The following ANO1 variants were observed in gnomAD, a reference collection of about 807,000 sequenced individuals.
The protein encoded by ANO1 is anoctamin 1.
In ANO1, 59 loss-of-function variants were observed where a neutral mutation model predicts 124.0. The ratio of observed to expected loss-of-function variants is 0.48; its 90% CI spans 0.39 to 0.59. ANO1 has a LOEUF of 0.59. Among genes scored for constraint, ANO1 ranks in the 20% least tolerant of loss-of-function variants. The probability of loss-of-function intolerance (pLI) is 0.00; values close to 1 mark genes in which losing one functional copy is unlikely to be tolerated. For missense variants in ANO1, 1,059 were observed against 1,328.0 expected (o/e 0.80, Z 3.15); for synonymous variants, 529 against 532.0 (o/e 0.99, Z 0.08).
At chr11:70,183,836 C>T (rs1038191464) in intron 24 of ANO1, among the ~76,000 whole-genome samples, 1 of 152,318 alleles carries the variant, frequency 6.6e-6, no homozygotes, top group African/African-American at 2.4e-5. Flanking sequence ...TTGTGCACCG[C>T]CCCCCACCCC....
intron 2 of ANO1, among the ~76,000 whole-genome samples, chr11:70,101,443 C>G (rs2045269554): frequency 6.6e-6 from 1 of 151,840 alleles, no homozygotes. Context: ...GTAATCCCAG[C>G]TACTCAGGAG....
chr11:69,975,938 C>A, the ANO1 span, among the ~76,000 whole-genome samples: 1 of 152,136 alleles, frequency 6.6e-6, no homozygotes, highest in East Asian at 1.9e-4. Context: ...ACCCTCGGTG[C>A]CCCCAGCCCT....
chr11:70,160,580 C>T (rs1472900690), intron 16 of ANO1, among the ~76,000 whole-genome samples: 3 of 152,144 alleles, frequency 2.0e-5, no homozygotes, highest in Admixed American at 2.0e-4. Context: ...CAAAGCATCT[C>T]CAGCCAGACC....
chr11:70,133,119 T>C (rs1230037614), intron 11 of ANO1, among the ~76,000 whole-genome samples: 1 of 152,184 alleles, frequency 6.6e-6, no homozygotes, highest in East Asian at 1.9e-4. Context: ...CCACCTCACC[T>C]GCAGCTGTAC....
At chr11:70,110,432 T>C (rs1051928750) in intron 6 of ANO1, among the ~76,000 whole-genome samples, 2 of 152,134 alleles carry the variant, frequency 1.3e-5, no homozygotes, top group Non-Finnish European at 2.9e-5. Context: ...GTGATCCACC[T>C]GCCTCAACCC....
At chr11:70,004,387 T>C (rs1349331274) in intron 1 of ANO1, among the ~76,000 whole-genome samples, 1 of 152,236 alleles carries the variant, frequency 6.6e-6, no homozygotes, top group Non-Finnish European at 1.5e-5. Flanking sequence ...CGGATGCTTA[T>C]ATGTGCACTT....
intron 23 of ANO1, among the ~76,000 whole-genome samples, 157 bp downstream of exon 23, chr11:70,180,213 C>T (rs761014625): frequency 1.3e-5 from 2 of 152,128 alleles, no homozygotes; most frequent in Admixed American, 6.5e-5. Flanking sequence ...GTCCCTTGAC[C>T]GCATGGCATG....
At chr11:69,981,446 G>A (rs1379629054), upstream of ANO1, among the ~76,000 whole-genome samples, 3 of 152,248 alleles carry the variant, frequency 2.0e-5, no homozygotes, top group Non-Finnish European at 2.9e-5. Context: ...TGCTCTCTAA[G>A]TGTTTGTTAA....
chr11:70,006,673 T>C (rs1283162563), intron 1 of ANO1, among the ~76,000 whole-genome samples: 7 of 129,842 alleles, frequency 5.4e-5, no homozygotes, highest in South Asian at 5.5e-4. Flanking sequence ...CTTTTTTTTT[T>C]TTTTTTTTTT....
In ANO1 at chr11:70,070,200, C is replaced by G. The variant is rs1380479426; in HGVS notation, c.59-8342C>G. 6.6e-5 allele frequency among the ~76,000 whole-genome samples: 10 copies of G among 152,246 alleles called. No individual in the cohort carries two copies. The East Asian group carries it at 1.9e-3, about 29-fold the overall frequency. The stretch of plus-strand genomic sequence containing the variant: ...TTTTCTAGGTCTCTGTGGCTCACGT[C>G]ATTTTCAGCATGAAAATGAGCGATC... On this transcript the variant is annotated intron_variant, in intron 1 of 27. Coordinates refer to the ANO1 transcript ENST00000531349.
At chr11:69,972,847 C>T in the ANO1 span, among the ~76,000 whole-genome samples, 1 of 152,096 alleles carries the variant, frequency 6.6e-6, no homozygotes. Context: ...CACACCCATA[C>T]TCAGTGGGAC....
At chr11:70,017,446 ATTCC>A (rs1180151544) in intron 1 of ANO1, among the ~76,000 whole-genome samples, 101 of 120,826 alleles carry the variant, frequency 8.4e-4, no homozygotes, top group Middle Eastern at 4.1e-3. Flanking sequence ...TCCTTCCTTC[ATTCC>A]TTCCTTCCTT....
intron 1 of ANO1, among the ~76,000 whole-genome samples, chr11:70,031,383 G>A (rs1454707316): frequency 6.6e-6 from 1 of 152,200 alleles, no homozygotes; most frequent in Non-Finnish European, 1.5e-5. Context: ...TTTGGAAATG[G>A]GTAATAGCAT....
At chr11:70,086,795 CT>C (rs766153455) in intron 1 of ANO1, among the ~76,000 whole-genome samples, 5 of 152,234 alleles carry the variant, frequency 3.3e-5, no homozygotes, top group Non-Finnish European at 7.3e-5. Context: ...TAACCCACCC[CT>C]GTCAGCCTCC....
chr11:70,104,985 A>G (rs770496168), intron 4 of ANO1, among the ~76,000 whole-genome samples: 1 of 152,076 alleles, frequency 6.6e-6, no homozygotes, highest in African/African-American at 2.4e-5. Context: ...ATGCCACCAG[A>G]GAGAAGGAAG....
chr11:69,972,815 G>A, the ANO1 span, among the ~76,000 whole-genome samples: 772 of 152,166 alleles, frequency 5.1e-3, 5 homozygotes, highest in African/African-American at 0.018. Flanking sequence ...TCTACCTGCC[G>A]GCCTCCATTC....
intron 1 of ANO1, among the ~76,000 whole-genome samples, chr11:69,986,338 G>A (rs1856040464): frequency 6.6e-6 from 1 of 151,970 alleles, no homozygotes; most frequent in South Asian, 2.1e-4. Context: ...CGCTGCTCCC[G>A]GTGAAGGCGA....
upstream of ANO1, among the ~76,000 whole-genome samples, chr11:70,073,586 C>G (rs1222504938): frequency 6.6e-6 from 1 of 151,916 alleles, no homozygotes; most frequent in African/African-American, 2.4e-5. Flanking sequence ...GGATGGTGGG[C>G]AGAAGGGAAC....
chr11:70,110,396 C>G (rs979757394), intron 6 of ANO1, among the ~76,000 whole-genome samples: 1 of 152,038 alleles, frequency 6.6e-6, no homozygotes, highest in African/African-American at 2.4e-5. Context: ...CTGTGTTAGC[C>G]AGGATAGTCT....
Sources: gnomAD v4.1 joint callset for allele counts (sites outside exome capture counted in the v4.1 genomes callset) on GRCh38, gnomAD v4.1.1 for gene constraint, MANE v1.5 for transcripts, NCBI Gene and HGNC (gene_info 2026-07-23, HGNC 2026-07-21) for gene names.